DSG2: variants seen among roughly 807,000 people sequenced by gnomAD.
DSG2 encodes desmoglein 2.
A neutral mutation model predicts 75.6 loss-of-function variants in DSG2; 45 were observed. That is an observed-to-expected ratio of 0.60 (90% CI 0.47 to 0.76). The LOEUF (loss-of-function observed/expected upper bound fraction) is 0.76. Among genes scored for constraint, DSG2 ranks in the 30% least tolerant of loss-of-function variants. The pLI, the probability that DSG2 is intolerant of heterozygous loss-of-function variation, is 0.00. For synonymous variants in DSG2, 429 were observed against 483.9 expected (o/e 0.89, Z 1.49); for missense variants, 1,267 against 1,357.4 (o/e 0.93, Z 1.05).
chr18:31,502,762 A>G (rs901316147), intron 1 of DSG2, among the ~76,000 whole-genome samples: 1 of 151,790 alleles, frequency 6.6e-6, no homozygotes, highest in Non-Finnish European at 1.5e-5. Flanking sequence ...AAAAAGAAGG[A>G]AGGAAGGAGG....
chr18:31,529,775 G>C (rs1281710935), intron 8 of DSG2, among the ~76,000 whole-genome samples: 1 of 152,078 alleles, frequency 6.6e-6, no homozygotes, highest in Non-Finnish European at 1.5e-5. Flanking sequence ...GCATCTAAAT[G>C]GTCAGAGATA....
chr18:31,505,995 C>A (rs550815624), intron 1 of DSG2, among the ~76,000 whole-genome samples: 1 of 152,192 alleles, frequency 6.6e-6, no homozygotes, highest in Non-Finnish European at 1.5e-5. Flanking sequence ...TTAGCAGTCA[C>A]AAATTGGGCG....
chr18:31,509,431 TC>T (rs1412247296), intron 1 of DSG2, among the ~76,000 whole-genome samples: 5 of 3,880 alleles, frequency 1.3e-3, no homozygotes, highest in Admixed American at 3.4e-3. Context: ...AAAATATTGC[TC>T]TTTTTTTTTA....
intron 1 of DSG2, among the ~76,000 whole-genome samples, chr18:31,513,338 G>T (rs929258044): frequency 6.6e-6 from 1 of 152,154 alleles, no homozygotes; most frequent in African/African-American, 2.4e-5. Flanking sequence ...ACAGTCTCCA[G>T]AGGCACTTAA....
chr18:31,535,193 C>CTCT (rs1452991680), intron 9 of DSG2, 77 bp from the exon 10 acceptor site: 1 of 979,834 alleles, frequency 1.0e-6, no homozygotes, highest in Non-Finnish European at 1.6e-6. Flanking sequence ...GAAAAGTAAG[C>CTCT]TTGAAAGAGC....
rs373617074 is a variant in DSG2 at position 31,518,225 on chromosome 18, A to G, written c.46-14A>G. On this transcript the variant is annotated splice_polypyrimidine_tract_variant and intron_variant, in intron 1 of 14. Coordinates refer to ENST00000261590, the MANE Select transcript of DSG2 (RefSeq NM_001943.5). ...CAGTAAATTGGCTAAATATCAAATA[A>G]TTTTATTTTACAGATCTGCTTTAAC... The G allele has an allele frequency of 6.8e-6, 11 of 1,608,818 alleles. No homozygotes were observed. Among genetic ancestry groups the G allele is most frequent in the African/African-American group, 6.7e-5 (5 of 74,788 alleles).
At position 31,547,516 on chromosome 18, in the gene DSG2, A is replaced by C. The variant is rs2073322484; in HGVS notation, c.*773A>C. 5 of 152,256 alleles carry C rather than the reference A, an allele frequency of 3.3e-5. No homozygotes were observed. In the South Asian group the frequency reaches 1.0e-3, roughly 32 times the overall value. 9.4% of individuals were successfully genotyped at this position (152,256 alleles called of 1,614,324 possible). On this transcript the variant is annotated 3_prime_UTR_variant, in exon 15 of 15. Coordinates refer to ENST00000261590, the MANE Select transcript of DSG2 (RefSeq NM_001943.5). ...ACCTGGTGAAACCCCGTCTCTACTA[A>C]AAATACAAAAATTAGCTGGGCGTGA...
intron 1 of DSG2, among the ~76,000 whole-genome samples, chr18:31,502,835 T>TA (rs1266001555): frequency 2.6e-5 from 4 of 152,136 alleles, no homozygotes; most frequent in Non-Finnish European, 5.9e-5. Flanking sequence ...ACTGAAAGCA[T>TA]AAAGGACTTT....
chr18:31,519,269 TCTA>T (rs1396323690), intron 2 of DSG2, among the ~76,000 whole-genome samples: 1 of 152,184 alleles, frequency 6.6e-6, no homozygotes, highest in African/African-American at 2.4e-5. Flanking sequence ...AAAACAAAAT[TCTA>T]CTGTCTGGGC....
rs794728087 is a variant in DSG2, at chr18:31,538,942, A to G, written c.1843A>G (p.Ile615Val). 4.3e-6 allele frequency: 7 copies of G among 1,613,916 alleles called. No individual in the cohort carries two copies. In the Admixed American group the frequency reaches 8.3e-5, roughly 19 times the overall value. The change falls in exon 12 of 15, where the codon ATT (isoleucine) becomes GTT (valine). Residue 615 changes from isoleucine (I) to valine (V), a missense_variant. Physicochemically the swap from Ile to Val is conservative, Grantham distance 29 (BLOSUM62 3). Transcript: ENST00000261590. ...DSYVGLGPAA[I>V]ALMILAFLLL... ...CTATGTGGGCCTGGGACCCGCAGCAATTGCGCTCATGATTTTGGCCTTTCT... is the reference window on the plus strand; with the variant it reads ...CTATGTGGGCCTGGGACCCGCAGCAGTTGCGCTCATGATTTTGGCCTTTCT...
chr18:31,506,377 A>T (rs918669088), intron 1 of DSG2, among the ~76,000 whole-genome samples: 2 of 152,266 alleles, frequency 1.3e-5, no homozygotes, highest in Admixed American at 1.3e-4. Flanking sequence ...TTTCAGAGAT[A>T]TAATCCTGCA....
intron 8 of DSG2, among the ~76,000 whole-genome samples, chr18:31,527,651 A>T (rs62095222): frequency 0.23 from 34,876 of 152,188 alleles, 4,356 homozygotes; most frequent in East Asian, 0.3. Flanking sequence ...CAACATCATT[A>T]CTCATTAGGG....
chr18:31,529,217 C>T (rs2073180057), intron 8 of DSG2, among the ~76,000 whole-genome samples: 1 of 151,970 alleles, frequency 6.6e-6, no homozygotes, highest in South Asian at 2.1e-4. Context: ...GAGGTCTATT[C>T]CCTCACACAG....
intron 1 of DSG2, among the ~76,000 whole-genome samples, chr18:31,511,805 C>T (rs1165707508): frequency 1.3e-5 from 2 of 152,104 alleles, no homozygotes; most frequent in Admixed American, 1.3e-4. Context: ...ACTGAAAACA[C>T]CATGTCACCA....
Position 31,520,941 on chromosome 18 carries a change from C to A in DSG2, c.355C>A (p.Arg119=). Residue 119 remains arginine, a synonymous_variant, in exon 4 of 15, where the codon CGA becomes AGA. Coordinates refer to ENST00000261590, the MANE Select transcript of DSG2 (RefSeq NM_001943.5). Reference sequence around the variant, plus strand: ...ACTGAATGTTACCAGCATTCTTGATCGAGAAGAAACACCATTTTTTCTGGT... The same window carrying A: ...ACTGAATGTTACCAGCATTCTTGATAGAGAAGAAACACCATTTTTTCTGGT... ...GELNVTSILD[R]EETPFFLLTG... The A allele has an allele frequency of 6.2e-7, 1 of 1,613,590 alleles. No individual in the cohort carries two copies. Among genetic ancestry groups the A allele is most frequent in the Non-Finnish European group, 8.5e-7 (1 of 1,179,846 alleles).
chr18:31,535,161 A>G, intron 9 of DSG2, 109 bp from the exon 10 acceptor site: 1 of 819,738 alleles, frequency 1.2e-6, no homozygotes, highest in Non-Finnish European at 2.0e-6. Context: ...AATGCCTGTA[A>G]TAAGAACATA....
intron 9 of DSG2, among the ~76,000 whole-genome samples, chr18:31,534,572 G>A (rs1003246067): frequency 2.8e-5 from 4 of 144,608 alleles, no homozygotes; most frequent in Non-Finnish European, 3.0e-5. Flanking sequence ...GTGCAGTGGC[G>A]CGATCTCGGC....
At chr18:31,516,709 G>A (rs2073096370) in intron 1 of DSG2, among the ~76,000 whole-genome samples, 1 of 152,198 alleles carries the variant, frequency 6.6e-6, no homozygotes, top group Non-Finnish European at 1.5e-5. Context: ...TTCAGCCACT[G>A]TGGCCTCCTC....
chr18:31,514,461 T>C (rs886904534), intron 1 of DSG2, among the ~76,000 whole-genome samples: 3 of 152,182 alleles, frequency 2.0e-5, no homozygotes, highest in African/African-American at 7.2e-5. Context: ...ATTTTATGAG[T>C]TTCTGCCTTC....
Sources: allele counts gnomAD v4.1 joint callset (sites outside exome capture counted in the v4.1 genomes callset), GRCh38; gene constraint gnomAD v4.1.1; transcripts MANE v1.5; gene names NCBI Gene and HGNC (gene_info 2026-07-23, HGNC 2026-07-21).